OPCML: variants seen among roughly 807,000 people sequenced by gnomAD.
OPCML encodes opioid-binding protein/cell adhesion molecule.
A neutral mutation model predicts 37.8 loss-of-function variants in OPCML; 13 were observed. That is an observed-to-expected ratio of 0.34 (90% CI 0.22 to 0.55). The LOEUF (loss-of-function observed/expected upper bound fraction) is 0.55. Ranked by LOEUF, OPCML falls within the 20% of genes least tolerant of loss-of-function variation. The pLI is 0.91. For synonymous variants in OPCML, 176 were observed against 168.8 expected (o/e 1.04, Z -0.33); for missense variants, 341 against 435.6 (o/e 0.78, Z 1.93).
intron 2 of OPCML, among the ~76,000 whole-genome samples, chr11:132,734,139 G>A (rs1482679338): frequency 6.6e-6 from 1 of 152,108 alleles, no homozygotes; most frequent in African/African-American, 2.4e-5. Context: ...TAAATATTCA[G>A]TAAATGATAG....
intron 4 of OPCML, among the ~76,000 whole-genome samples, chr11:132,480,244 C>T (rs572756722): frequency 4.6e-5 from 7 of 152,166 alleles, no homozygotes; most frequent in African/African-American, 1.7e-4. Context: ...GGAGCCGATG[C>T]AATCAACTGG....
chr11:133,316,830 G>A lies in OPCML; in HGVS notation c.61+215434C>T, dbSNP rs1009535642. ...TTATGACTTCATCGCTAAGCCCCAC[G>A]TAAATATATTTTCAGTGTTTAATGG... On this transcript the variant is annotated intron_variant, in intron 1 of 7. Coordinates refer to ENST00000524381, the MANE Select transcript of OPCML (RefSeq NM_001012393.5). Among the ~76,000 whole-genome samples the A allele has an allele frequency of 7.2e-5, 11 of 152,316 alleles. 1 individual carries two copies. The highest frequency in any genetic ancestry group is 8.8e-5 in the Non-Finnish European group (6 of 68,034).
intron 1 of OPCML, among the ~76,000 whole-genome samples, chr11:133,072,298 C>A (rs981622961): frequency 2.6e-5 from 4 of 152,090 alleles, no homozygotes; most frequent in African/African-American, 7.2e-5. Flanking sequence ...TAAAAATAAA[C>A]CTACTGTGAC....
rs548091831 is a variant in OPCML at position 133,273,346 on chromosome 11, C to G, written c.61+258918G>C. 1.3e-3 allele frequency among the ~76,000 whole-genome samples: 194 copies of G among 152,228 alleles called. 1 individual carries two copies. The highest frequency in any genetic ancestry group is 4.2e-3 in the African/African-American group (173 of 41,548). On this transcript the variant is annotated intron_variant, in intron 1 of 7. Transcript: ENST00000524381. ...AGCCAGCAGGGTGCACACCCAAGAG[C>G]CAGTGAGGTGCTGGGGGCCGGGAAT...
intron 1 of OPCML, among the ~76,000 whole-genome samples, chr11:133,165,855 C>T (rs868377036): frequency 2.0e-5 from 3 of 152,126 alleles, no homozygotes; most frequent in Admixed American, 6.5e-5. Flanking sequence ...CCCTGAAATC[C>T]CACACAAGAA....
chr11:132,666,551 T>C (rs184687241), intron 2 of OPCML, among the ~76,000 whole-genome samples: 40 of 152,260 alleles, frequency 2.6e-4, no homozygotes, highest in Admixed American at 2.5e-3. Context: ...CATGTAGGGG[T>C]GGCATGGGCA....
At chr11:132,916,565 AAAG>A (rs1456135936) in intron 2 of OPCML, among the ~76,000 whole-genome samples, 2 of 152,344 alleles carry the variant, frequency 1.3e-5, no homozygotes, top group East Asian at 3.9e-4. Context: ...AAGCAGAATA[AAAG>A]AAGATGCACC....
chr11:132,738,211 G>A (rs1945321748), intron 2 of OPCML, among the ~76,000 whole-genome samples: 1 of 152,202 alleles, frequency 6.6e-6, no homozygotes, highest in Non-Finnish European at 1.5e-5. Context: ...TGAAGAACTA[G>A]TGAAGCCAGG....
intron 2 of OPCML, among the ~76,000 whole-genome samples, chr11:132,792,731 A>G (rs1012370384): frequency 5.3e-5 from 8 of 152,104 alleles, no homozygotes; most frequent in African/African-American, 1.9e-4. Flanking sequence ...GGCCCTGGTG[A>G]GTGAAGTGGA....
At position 133,174,194 on chromosome 11, in the gene OPCML, C is replaced by A. The variant is rs1038852251; in HGVS notation, c.62-231184G>T. On this transcript the variant is annotated intron_variant, in intron 1 of 7. Transcript: ENST00000524381. This position sits in a 1 kb window ranked among gnomAD's most constrained non-coding sequence, Gnocchi z 4.6. ...CTTTGGCACAAAGAAATGCTTCCCT[C>A]CCCTACCACGACAGGAAGAAGGAAA... is the stretch of plus-strand genomic sequence containing the variant. 6.6e-6 allele frequency among the ~76,000 whole-genome samples: 1 copy of A among 152,174 alleles called. No individual in the cohort carries two copies. Among genetic ancestry groups the A allele is most frequent in the South Asian group, 2.1e-4 (1 of 4,830 alleles).
chr11:132,876,665 TG>T (rs757761849), intron 2 of OPCML, among the ~76,000 whole-genome samples: 5 of 152,182 alleles, frequency 3.3e-5, no homozygotes, highest in Non-Finnish European at 7.3e-5. Context: ...AATGTCCCAA[TG>T]GTAGGGTATT....
intron 2 of OPCML, among the ~76,000 whole-genome samples, chr11:132,744,991 G>C (rs867088186): frequency 1.3e-5 from 2 of 152,228 alleles, no homozygotes; most frequent in Admixed American, 6.5e-5. Context: ...TAGCAGAGCA[G>C]GCAGCTCATC....
chr11:133,260,837 A>T (rs993940969), intron 1 of OPCML, among the ~76,000 whole-genome samples: 1 of 152,024 alleles, frequency 6.6e-6, no homozygotes, highest in Admixed American at 6.5e-5. Flanking sequence ...TAAGAGTAAA[A>T]AGACTTACTT....
At chr11:132,469,335 C>A (rs980696049) in intron 4 of OPCML, among the ~76,000 whole-genome samples, 1 of 152,156 alleles carries the variant, frequency 6.6e-6, no homozygotes, top group Non-Finnish European at 1.5e-5. Context: ...TAGAGCAGAG[C>A]AAGCACAGGG....
At chr11:133,462,176 T>G (rs904588189) in intron 1 of OPCML, among the ~76,000 whole-genome samples, 1 of 151,904 alleles carries the variant, frequency 6.6e-6, no homozygotes, top group Non-Finnish European at 1.5e-5. Flanking sequence ...TATAAATTAT[T>G]AAAAGGTAAT....
intron 1 of OPCML, among the ~76,000 whole-genome samples, chr11:133,145,248 CAT>C (rs1949881510): frequency 6.6e-6 from 1 of 152,048 alleles, no homozygotes; most frequent in Non-Finnish European, 1.5e-5. Flanking sequence ...TCTAGAAAGA[CAT>C]ATTTTATCAA....
At chr11:132,506,938 A>AT (rs2096258331) in intron 4 of OPCML, among the ~76,000 whole-genome samples, 1 of 152,096 alleles carries the variant, frequency 6.6e-6, no homozygotes, top group Non-Finnish European at 1.5e-5. Context: ...ATTAAAAAAA[A>AT]GATAACAGAA....
intron 2 of OPCML, among the ~76,000 whole-genome samples, chr11:132,668,522 G>A (rs764309987): frequency 2.0e-5 from 3 of 152,132 alleles, no homozygotes; most frequent in Admixed American, 6.5e-5. Flanking sequence ...AAAGTGATGC[G>A]TGTTGAGAAT....
In OPCML at chr11:132,840,696, T is replaced by G. The variant is rs564603063; in HGVS notation, c.146+102230A>C. ...ATCTGTCTTTAAATGCTCAGGAAATTACACAACGTTATTCACATTCGCTTT... is the reference window on the plus strand; with the variant it reads ...ATCTGTCTTTAAATGCTCAGGAAATGACACAACGTTATTCACATTCGCTTT... On this transcript the variant is annotated intron_variant, in intron 2 of 7. Transcript: ENST00000524381. Among the ~76,000 whole-genome samples the G allele has an allele frequency of 2.0e-5, 3 of 152,336 alleles. No individual in the cohort carries two copies. In the East Asian group the frequency reaches 5.8e-4, roughly 29 times the overall value.
Sources: gnomAD v4.1 joint callset for allele counts (sites outside exome capture counted in the v4.1 genomes callset) on GRCh38, gnomAD v4.1.1 for gene constraint, Gnocchi (gnomAD v3.1) non-coding constraint, MANE v1.5 for transcripts, NCBI Gene and HGNC (gene_info 2026-07-23, HGNC 2026-07-21) for gene names.